Variants in PHB2 observed in about 807,000 individuals in gnomAD.
PHB2 encodes prohibitin 2, also known as prohibitin-2.
Under a neutral mutation model 46.4 loss-of-function variants are expected in PHB2, and 22 were observed. The observed-to-expected ratio is 0.47, with a 90% CI of 0.34 to 0.68. The LOEUF (loss-of-function observed/expected upper bound fraction) is 0.68, where lower values mean the gene tolerates loss of function less well. Among genes scored for constraint, PHB2 ranks in the 30% least tolerant of loss-of-function variants. The pLI is 0.01. For missense variants in PHB2, 305 were observed against 382.8 expected (o/e 0.80, Z 1.70); for synonymous variants, 156 against 150.5 (o/e 1.04, Z -0.27).
rs1012379797 is a variant in PHB2 at position 6,967,248 on chromosome 12, G to A, written c.712C>T (p.Leu238Phe). The change falls in exon 7 of 10, where the codon CTT becomes TTT. Residue 238 changes from leucine (L) to phenylalanine (F), a missense_variant and splice_region_variant. Coordinates refer to ENST00000535923, the MANE Select transcript of PHB2 (RefSeq NM_001144831.2). This position sits in a 1 kb window ranked among gnomAD's most constrained non-coding sequence, Gnocchi z 4.9. ...GGGTTCTTGCTCAGTGCTTCTCCAA[G>A]GTGAGGAGGGTTAAGGTACACGCAA... ...AEGEAEAAKM[L>F]GEALSKNPGY... 1.2e-6 allele frequency: 2 copies of A among 1,613,624 alleles called. No homozygotes were observed. Among genetic ancestry groups the A allele is most frequent in the Non-Finnish European group, 1.7e-6 (2 of 1,179,706 alleles).
rs1555151274 is a variant in PHB2, at chr12:6,968,430, A to G, written c.458T>C (p.Leu153Pro). The part of the protein sequence containing the change: ...SVVAKFNASQ[L>P]ITQRAQVSLL... ...TCAGACCTGGGCCCGCTGGGTGATCAGCTGTGAGGCATTGAACTTGGCCAC... is the reference window on the plus strand; with the variant it reads ...TCAGACCTGGGCCCGCTGGGTGATCGGCTGTGAGGCATTGAACTTGGCCAC... The change falls in exon 4 of 10, where the codon CTG (leucine) becomes CCG (proline). Residue 153 changes from leucine to proline, a missense_variant. Leu to Pro is a moderately conservative substitution (Grantham distance 98, BLOSUM62 -3). Transcript: ENST00000535923. 6.2e-7 allele frequency: 1 copy of G among 1,610,058 alleles called. No homozygotes were observed. Among genetic ancestry groups the G allele is most frequent in the Non-Finnish European group, 8.5e-7 (1 of 1,177,508 alleles).
intron 7 of PHB2, among the ~76,000 whole-genome samples, chr12:6,966,771 G>T (rs1298008021): frequency 2.0e-5 from 3 of 152,172 alleles, no homozygotes; most frequent in Admixed American, 2.0e-4. Flanking sequence ...TTGAGACGGA[G>T]TCTTGCTCTG....
At chr12:6,966,398 C>A in intron 8 of PHB2, 26 bp downstream of exon 8, 5 of 1,421,110 alleles carry the variant, frequency 3.5e-6, no homozygotes, top group Non-Finnish European at 5.0e-6. Context: ...CTTGGTGATA[C>A]CCCACAGTGT....
Position 6,970,517 on chromosome 12 carries a change from C to A in PHB2, c.27G>T (p.Ala9=). The part of the protein sequence containing the change: MAQNLKDL[A]GRLPAGPRGM... The stretch of plus-strand genomic sequence containing the variant: ...CCCGGGGCCCGGCGGGCAGCCGTCC[C>A]GCCAAGTCCTTCAAGTTCTGGGCCA... Residue 9 remains alanine (A), a synonymous_variant, in exon 1 of 10, where the codon GCG becomes GCT. Coordinates refer to ENST00000535923, the MANE Select transcript of PHB2 (RefSeq NM_001144831.2). 2 of 1,604,612 alleles carry A rather than the reference C, an allele frequency of 1.2e-6. No homozygotes were observed. The highest frequency in any genetic ancestry group is 1.1e-5 in the South Asian group (1 of 90,870).
upstream of PHB2, chr12:6,970,692 G>A (rs2138312587): frequency 9.6e-7 from 1 of 1,037,184 alleles, no homozygotes; most frequent in Non-Finnish European, 1.4e-6. Flanking sequence ...CGCTCCCTTT[G>A]AAACCCTCCC....
In PHB2 at chr12:6,969,293, G is replaced by A. The variant is rs782517180; in HGVS notation, c.292+205C>T. On this transcript the variant is annotated intron_variant, in intron 3 of 9. Coordinates refer to ENST00000535923, the MANE Select transcript of PHB2 (RefSeq NM_001144831.2). ...CAAACAATACTCTTATTGAATACAC[G>A]TCAGGGAGGAGACAGTAAAAAGCAC... Among the ~76,000 whole-genome samples, 64 of 152,322 alleles carry A rather than the reference G, an allele frequency of 4.2e-4. 2 individuals are homozygous for A. In the South Asian group the frequency reaches 0.012, roughly 28 times the overall value.
At position 6,970,378 on chromosome 12, in the gene PHB2, G is replaced by A. The variant is rs782784251; in HGVS notation, c.127+39C>T. Reference sequence around the variant, plus strand: ...GGACAGGGCAAGGGGTTTGGGGGAGGGACTGGAAGCGTCCGGCGAGCAGGC... The same window carrying A: ...GGACAGGGCAAGGGGTTTGGGGGAGAGACTGGAAGCGTCCGGCGAGCAGGC... On this transcript the variant is annotated intron_variant, in intron 1 of 9. Transcript: ENST00000535923. 36 of 1,604,176 alleles carry A rather than the reference G, an allele frequency of 2.2e-5. No homozygotes were observed. In the South Asian group the frequency reaches 3.6e-4, roughly 16 times the overall value.
chr12:6,966,496 G>T lies in PHB2; in HGVS notation c.794C>A (p.Ala265Asp). The change falls in exon 8 of 10, where the codon GCC (alanine) becomes GAC (aspartate). Residue 265 changes from alanine to aspartate, a missense_variant. By Grantham distance (126) the Ala-to-Asp change is moderately radical. This residue lies in a region of PHB2 where 241 missense variants were observed against 302.7 expected (regional missense o/e 0.80). Transcript: ENST00000535923. ...GAGATAGATACGATTCTGTGATGTG[G>T]CGATCTACAGGGCAGGAAATAAGAC... Reference protein sequence around the residue: ...RAAQNISKTIATSQNRIYLTA... With the variant: ...RAAQNISKTIDTSQNRIYLTA... The T allele has an allele frequency of 6.2e-7, 1 of 1,602,026 alleles. No individual in the cohort carries two copies. The highest frequency in any genetic ancestry group is 8.6e-7 in the Non-Finnish European group (1 of 1,168,938).
At chr12:6,970,082 T>G in intron 2 of PHB2, 114 bp downstream of exon 2, 1 of 824,362 alleles carries the variant, frequency 1.2e-6, no homozygotes, top group Non-Finnish European at 2.1e-6. Context: ...GGGGCAGGGA[T>G]GAGGAGGGTG....
In PHB2 at chr12:6,967,512, C is replaced by T. The variant is rs1555151032; in HGVS notation, c.711+164G>A. The T allele has an allele frequency of 1.1e-6, 1 of 907,946 alleles. No homozygotes were observed. The highest frequency in any genetic ancestry group is 1.6e-5 in the African/African-American group (1 of 61,798). 56.2% of individuals were successfully genotyped at this position (907,946 alleles called of 1,614,324 possible). A position where few individuals can be genotyped will look rare whatever the true frequency, so the allele number is the denominator to read the frequency against. ...GGGAGTCATGGCTCAGGTACTACCA[C>T]TAAGATTTCAGATCTCATCTGTAGT... On this transcript the variant is annotated intron_variant, in intron 6 of 9. Transcript: ENST00000535923. The surrounding 1 kb of genome is among the most constrained non-coding windows in gnomAD (Gnocchi z 4.9).
intron 3 of PHB2, 141 bp from the exon 4 acceptor site, chr12:6,968,736 A>G (rs782768069): frequency 2.0e-4 from 146 of 713,254 alleles, no homozygotes; most frequent in South Asian, 2.0e-3. Flanking sequence ...AATCAGGCTG[A>G]CAAGGAAGAC....
rs187191488 is a variant in PHB2 at position 6,969,555 on chromosome 12, T to C, written c.235A>G (p.Ile79Val). ...HFRIPWFQYP[I>V]IYDIRARPRK... ...GGTCTGGCCCGAATGTCATAGATAATGGGGTACTGGAACCAAGGGATCCTG... is the reference window on the plus strand; with the variant it reads ...GGTCTGGCCCGAATGTCATAGATAACGGGGTACTGGAACCAAGGGATCCTG... The change falls in exon 3 of 10, where the codon ATT becomes GTT. Residue 79 changes from isoleucine (I) to valine (V), a missense_variant. This residue lies in a region of PHB2 where 241 missense variants were observed against 302.7 expected (regional missense o/e 0.80). Transcript: ENST00000535923. 262 of 1,608,542 alleles carry C rather than the reference T, an allele frequency of 1.6e-4. 1 individual carries two copies. The East Asian group carries it at 4.5e-3, about 28-fold the overall frequency.
chr12:6,970,465 G>A lies in PHB2; in HGVS notation c.79C>T (p.Leu27=). ...RGMGTALKLL[L]GAGAVAYGVR... The stretch of plus-strand genomic sequence containing the variant: ...CCGTAGGCCACGGCGCCGGCCCCCA[G>A]CAACAGCTTCAGGGCCGTGCCCATG... The change falls in exon 1 of 10, where the codon CTG becomes TTG. Residue 27 remains leucine (L), a synonymous_variant. Transcript: ENST00000535923. 6 of 1,605,692 alleles carry A rather than the reference G, an allele frequency of 3.7e-6. No individual in the cohort carries two copies. Among genetic ancestry groups the A allele is most frequent in the Non-Finnish European group, 5.1e-6 (6 of 1,179,560 alleles).
At chr12:6,968,348 T>C in intron 4 of PHB2, 63 bp downstream of exon 4, 1 of 1,231,952 alleles carries the variant, frequency 8.1e-7, no homozygotes, top group Non-Finnish European at 1.2e-6. Flanking sequence ...CTTTCCTAAT[T>C]CCCAATACTC....
In PHB2 at chr12:6,967,206, G is replaced by A; in HGVS notation, c.754C>T (p.Arg252Cys). The A allele has an allele frequency of 2.5e-6, 4 of 1,605,912 alleles. No individual in the cohort carries two copies. Among genetic ancestry groups the A allele is most frequent in the Admixed American group, 1.7e-5 (1 of 58,406 alleles). Residue 252 changes from arginine to cysteine, a missense_variant, in exon 7 of 10, where the codon CGC becomes TGC. This residue lies in a region of PHB2 where 241 missense variants were observed against 302.7 expected (regional missense o/e 0.80). Coordinates refer to ENST00000535923, the MANE Select transcript of PHB2 (RefSeq NM_001144831.2). The surrounding 1 kb of genome is among the most constrained non-coding windows in gnomAD (Gnocchi z 4.9). The part of the protein sequence containing the change: ...LSKNPGYIKL[R>C]KIRAAQNISK... Reference sequence around the variant, plus strand: ...ATATTCTGGGCTGCTCGAATCTTGCGAAGTTTGATGTAGCCAGGGTTCTTG... The same window carrying A: ...ATATTCTGGGCTGCTCGAATCTTGCAAAGTTTGATGTAGCCAGGGTTCTTG...
In PHB2 at chr12:6,967,608, C is replaced by G; in HGVS notation, c.711+68G>C. On this transcript the variant is annotated intron_variant, in intron 6 of 9. Transcript: ENST00000535923. The surrounding 1 kb of genome is among the most constrained non-coding windows in gnomAD (Gnocchi z 4.9). ...ATTCGCCTTAGTCTCATCAGCCTGC[C>G]CATGAAGGAGAATGGGGAACTCAGG... The G allele has an allele frequency of 7.9e-7, 1 of 1,273,152 alleles. No individual in the cohort carries two copies. The highest frequency in any genetic ancestry group is 1.1e-6 in the Non-Finnish European group (1 of 871,274). The allele number at this position is 1,273,152 out of a possible 1,614,324, so 78.9% of individuals were successfully genotyped here.
chr12:6,967,449 G>A lies in PHB2; in HGVS notation c.712-201C>T. ...AACTAGGGGCAGCACCAGAAATGAA[G>A]GCAAGGCCACCAATGCTATTGATCT... On this transcript the variant is annotated intron_variant, in intron 6 of 9. Transcript: ENST00000535923. This position sits in a 1 kb window ranked among gnomAD's most constrained non-coding sequence, Gnocchi z 4.9. The A allele has an allele frequency of 8.4e-7, 1 of 1,192,300 alleles. No homozygotes were observed. The highest frequency in any genetic ancestry group is 1.2e-6 in the Non-Finnish European group (1 of 806,268). 73.9% of individuals were successfully genotyped at this position (1,192,300 alleles called of 1,614,324 possible).
chr12:6,968,678 C>T (rs1005764929), intron 3 of PHB2, 83 bp from the exon 4 acceptor site: 3 of 1,090,294 alleles, frequency 2.8e-6, no homozygotes, highest in Non-Finnish European at 4.1e-6. Context: ...CCCTGTATGC[C>T]CTGTGCAATG....
rs1946236843 is a variant in PHB2, at chr12:6,967,542, AC to A, written c.711+133del. On this transcript the variant is annotated intron_variant, in intron 6 of 9. Transcript: ENST00000535923. This position sits in a 1 kb window ranked among gnomAD's most constrained non-coding sequence, Gnocchi z 4.9. ...ATTTCAGATCTCATCTGTAGTCCCC[AC>A]CCCCAACAAGGAGCCAAGGGCCAGA... 2 of 922,616 alleles carry A rather than the reference AC, an allele frequency of 2.2e-6. No individual in the cohort carries two copies. Among genetic ancestry groups the A allele is most frequent in the Admixed American group, 1.7e-5 (1 of 59,178 alleles). The allele number at this position is 922,616 out of a possible 1,614,324, so 57.2% of individuals were successfully genotyped here. A position where few individuals can be genotyped will look rare whatever the true frequency, so the allele number is the denominator to read the frequency against.
Sources: gnomAD v4.1 joint callset for allele counts (sites outside exome capture counted in the v4.1 genomes callset) on GRCh38, gnomAD v4.1.1 for gene constraint, gnomAD v4.1.1 regional missense constraint, Gnocchi (gnomAD v3.1) non-coding constraint, MANE v1.5 for transcripts, NCBI Gene and HGNC (gene_info 2026-07-23, HGNC 2026-07-21) for gene names.